Variants in DIP2A observed in about 807,000 individuals in gnomAD.
The protein encoded by DIP2A is disco-interacting protein 2 homolog A.
Under a neutral mutation model 177.4 loss-of-function variants are expected in DIP2A, and 85 were observed. The ratio of observed to expected loss-of-function variants is 0.48; its 90% CI spans 0.40 to 0.57. The LOEUF is 0.57. Ranked by LOEUF, DIP2A falls within the 20% of genes least tolerant of loss-of-function variation. The pLI, the probability that DIP2A is intolerant of heterozygous loss-of-function variation, is 0.00. For missense variants in DIP2A, 1,791 were observed against 2,100.2 expected (o/e 0.85, Z 2.88); for synonymous variants, 886 against 881.8 (o/e 1.00, Z -0.08).
At chr21:46,552,024 G>A (rs1182301315) in intron 25 of DIP2A, 120 bp downstream of exon 25, 8 of 1,191,580 alleles carry the variant, frequency 6.7e-6, no homozygotes, top group Non-Finnish European at 9.6e-6. Flanking sequence ...CAGGGTGCCT[G>A]TGGACTCAGC....
At chr21:46,530,310 C>G (rs1450084253) in intron 9 of DIP2A, among the ~76,000 whole-genome samples, 4 of 152,090 alleles carry the variant, frequency 2.6e-5, no homozygotes, top group Non-Finnish European at 5.9e-5. Context: ...CTTTCAGTGC[C>G]TAAGTCTTTA....
At chr21:46,541,315 G>T (rs1010794982) in intron 17 of DIP2A, among the ~76,000 whole-genome samples, 1 of 152,148 alleles carries the variant, frequency 6.6e-6, no homozygotes, top group Non-Finnish European at 1.5e-5. Flanking sequence ...TGGAGGGAGC[G>T]GTGAGGGGCT....
At chr21:46,549,506 A>ATTT (rs1217235004) in intron 21 of DIP2A, among the ~76,000 whole-genome samples, 5 of 152,156 alleles carry the variant, frequency 3.3e-5, no homozygotes, top group South Asian at 2.1e-4. Context: ...AGATTAAGGA[A>ATTT]TTTTTTCTTG....
At chr21:46,545,353 G>C (rs974893086) in intron 19 of DIP2A, 80 bp downstream of exon 19, 1 of 1,501,674 alleles carries the variant, frequency 6.7e-7, no homozygotes, top group Non-Finnish European at 9.0e-7. Flanking sequence ...TGGGTGCTGG[G>C]GGATTGCAGA....
At chr21:46,565,624 G>T in intron 35 of DIP2A, 89 bp from the exon 36 acceptor site, 2 of 1,335,556 alleles carry the variant, frequency 1.5e-6, no homozygotes, top group Non-Finnish European at 2.0e-6. Flanking sequence ...GTTTTCTGGA[G>T]CATTATTCTT....
chr21:46,509,263 C>T lies in DIP2A; in HGVS notation c.791C>T (p.Pro264Leu). ...TCTGTCCTTCCCGTGACAGGTGTCCCTGTGAACAGCAGAGTGTCCTCCAAA... is the reference window on the plus strand; with the variant it reads ...TCTGTCCTTCCCGTGACAGGTGTCCTTGTGAACAGCAGAGTGTCCTCCAAA... ...GSMLETADGVPVNSRVSSKIQ... is the reference protein window; with the variant it reads ...GSMLETADGVLVNSRVSSKIQ... The change falls in exon 7 of 38, where the codon CCT becomes CTT. Residue 264 changes from proline to leucine, a missense_variant. Transcript: ENST00000417564. The T allele has an allele frequency of 1.2e-6, 2 of 1,612,666 alleles. No homozygotes were observed. Among genetic ancestry groups the T allele is most frequent in the Middle Eastern group, 1.7e-4 (1 of 6,048 alleles).
At chr21:46,531,697 G>A (rs1181729447) in intron 9 of DIP2A, among the ~76,000 whole-genome samples, 4 of 152,182 alleles carry the variant, frequency 2.6e-5, no homozygotes, top group Non-Finnish European at 5.9e-5. Context: ...TTATAAAAGT[G>A]AGCACAGCTC....
At chr21:46,549,630 G>A (rs925782850) in intron 21 of DIP2A, 141 bp from the exon 22 acceptor site, 1 of 1,427,832 alleles carries the variant, frequency 7.0e-7, no homozygotes, top group African/African-American at 1.4e-5. Flanking sequence ...GTTACTTTTT[G>A]AATGTGCAGC....
At chr21:46,549,946 C>T (rs779688919) in intron 22 of DIP2A, 61 bp downstream of exon 22, 2 of 1,596,964 alleles carry the variant, frequency 1.3e-6, no homozygotes, top group African/African-American at 2.7e-5. Context: ...CCCCACTCCA[C>T]TCCAAGTGCC....
At chr21:46,517,435 C>T (rs4819262) in intron 8 of DIP2A, among the ~76,000 whole-genome samples, 152,161 of 152,162 alleles carry the variant, frequency 1, 76,080 homozygotes, top group Non-Finnish European at 1. Flanking sequence ...CCAGACAATG[C>T]CATCTTCCTT....
intron 25 of DIP2A, 74 bp downstream of exon 25, chr21:46,551,978 G>A: frequency 6.8e-7 from 1 of 1,468,428 alleles, no homozygotes; most frequent in Non-Finnish European, 9.2e-7. Flanking sequence ...TCTAGTTCAT[G>A]GTGCCAGTGT....
Position 46,498,841 on chromosome 21 carries a change from A to C in DIP2A, c.655+8A>C, listed in dbSNP as rs73372058. 2.1e-5 allele frequency: 34 copies of C among 1,607,706 alleles called. No homozygotes were observed. The African/African-American group carries it at 4.4e-4, about 21-fold the overall frequency. On this transcript the variant is annotated splice_region_variant and intron_variant, in intron 5 of 37. Transcript: ENST00000417564. This position sits in a 1 kb window ranked among gnomAD's most constrained non-coding sequence, Gnocchi z 4.3. ...AGGCCCACACCCACATAGGTCAGTA[A>C]TAAGCTGCTGCGGCCCCTGTGCCAG... is the stretch of plus-strand genomic sequence containing the variant.
intron 1 of DIP2A, among the ~76,000 whole-genome samples, chr21:46,477,629 A>G (rs1328364906): frequency 7.1e-6 from 1 of 140,282 alleles, no homozygotes; most frequent in East Asian, 2.2e-4. Context: ...GCTGGAGTAC[A>G]GTGCCACTAT....
chr21:46,542,289 C>T (rs1398039609), intron 18 of DIP2A, among the ~76,000 whole-genome samples: 6 of 152,176 alleles, frequency 3.9e-5, no homozygotes, highest in African/African-American at 9.7e-5. Flanking sequence ...TTTGGGAAGA[C>T]GGTGATAATA....
chr21:46,566,426 G>A, intron 36 of DIP2A, 134 bp from the exon 37 acceptor site: 1 of 1,189,378 alleles, frequency 8.4e-7, no homozygotes. Context: ...TTCTGCACGT[G>A]GTGTGCGACC....
intron 17 of DIP2A, 46 bp downstream of exon 17, chr21:46,540,037 T>G (rs541116856): frequency 6.7e-7 from 1 of 1,488,112 alleles, no homozygotes; most frequent in South Asian, 1.1e-5. Flanking sequence ...AGTTGAATCT[T>G]CTGCATACAG....
In DIP2A at chr21:46,533,418, G is replaced by A. The variant is rs78443123; in HGVS notation, c.1306-106G>A. 3.7e-6 allele frequency: 5 copies of A among 1,346,136 alleles called. No individual in the cohort carries two copies. In the African/African-American group the frequency reaches 4.4e-5, roughly 12 times the overall value. 83.4% of individuals were successfully genotyped at this position (1,346,136 alleles called of 1,614,324 possible). On this transcript the variant is annotated intron_variant, in intron 10 of 37. Coordinates refer to ENST00000417564, the MANE Select transcript of DIP2A (RefSeq NM_015151.4). ...TGAATTATTCTGGAAGTTTTATGAG[G>A]GATGAAAAAAAGATCTGTTCTCTGT... is the stretch of plus-strand genomic sequence containing the variant.
intron 8 of DIP2A, among the ~76,000 whole-genome samples, chr21:46,514,617 CTT>C (rs752628688): frequency 5.5e-4 from 39 of 70,518 alleles, no homozygotes; most frequent in African/African-American, 1.3e-3. Context: ...AACTTTTATT[CTT>C]TTTTTTTTTT....
In DIP2A at chr21:46,506,753, TTTCTTTCTTTCTTTC is replaced by T. The variant is rs1413639595; in HGVS notation, c.784+2267_784+2281del. On this transcript the variant is annotated intron_variant, in intron 6 of 37. Transcript: ENST00000417564. ...CTTTCTTTCTTTCTTTCTTTCTTTC[TTTCTTTCTTTCTTTC>T]TTTCTTTTCTTTTCTTTCTTTTCTT... Among the ~76,000 whole-genome samples, 122 of 130,722 alleles carry T rather than the reference TTTCTTTCTTTCTTTC, an allele frequency of 9.3e-4. 2 individuals carry two copies. The highest frequency in any genetic ancestry group is 1.6e-3 in the South Asian group (7 of 4,256). The allele number at this position is 130,722 out of a possible 152,430, so 85.8% of individuals were successfully genotyped here.
Sources: allele counts gnomAD v4.1 joint callset (sites outside exome capture counted in the v4.1 genomes callset), GRCh38; gene constraint gnomAD v4.1.1; non-coding constraint Gnocchi (gnomAD v3.1); transcripts MANE v1.5; gene names NCBI Gene and HGNC (gene_info 2026-07-23, HGNC 2026-07-21).